The following IFNGR2 variants were observed in gnomAD, a reference collection of about 807,000 sequenced individuals.
The protein encoded by IFNGR2 is IFN-gamma receptor 2.
A neutral mutation model predicts 41.1 loss-of-function variants in IFNGR2; 15 were observed. That is an observed-to-expected ratio of 0.37 (90% CI 0.24 to 0.56). The LOEUF is 0.56. IFNGR2 is among the 20% of genes least tolerant of loss of function. IFNGR2 has a pLI of 0.81. For synonymous variants in IFNGR2, 161 were observed against 171.6 expected, an observed-to-expected ratio of 0.94 and a Z score of 0.48; for missense variants, 362 against 415.7, an observed-to-expected ratio of 0.87 and a Z score of 1.12.
chr21:33,420,707 A>G, intron 2 of IFNGR2, among the ~76,000 whole-genome samples: 1 of 152,224 alleles, frequency 6.6e-6, no homozygotes, highest in East Asian at 1.9e-4. Context: ...TATCCAGAAT[A>G]GATAACGAAC....
chr21:33,409,738 T>A (rs1314505175), intron 1 of IFNGR2, among the ~76,000 whole-genome samples: 1 of 152,206 alleles, frequency 6.6e-6, no homozygotes, highest in Admixed American at 6.5e-5. Context: ...CGCTTGAGAC[T>A]CTGCCTAGGG....
rs2083711705 is a variant in IFNGR2, at chr21:33,411,008, C to A, written c.74-3880C>A. Reference sequence around the variant, plus strand: ...CCATCGGGGGCCATGTGGCCTGGAACACAGAGGCTGGGCTGCCCAAGGACA... The same window carrying A: ...CCATCGGGGGCCATGTGGCCTGGAAAACAGAGGCTGGGCTGCCCAAGGACA... On this transcript the variant is annotated intron_variant, in intron 1 of 6. Coordinates refer to ENST00000290219, the MANE Select transcript of IFNGR2 (RefSeq NM_005534.4). 8.9e-6 allele frequency: 7 copies of A among 788,480 alleles called. No homozygotes were observed. The Admixed American group carries it at 1.5e-4, about 17-fold the overall frequency. The allele number at this position is 788,480 out of a possible 1,614,324, so 48.8% of individuals were successfully genotyped here. A position where few individuals can be genotyped will look rare whatever the true frequency, so the allele number is the denominator to read the frequency against.
intron 4 of IFNGR2, among the ~76,000 whole-genome samples, chr21:33,427,633 G>A (rs2083849816): frequency 1.3e-5 from 2 of 152,084 alleles, no homozygotes. Context: ...TCAGCCTCGG[G>A]GAGTATAGGA....
At chr21:33,411,386 A>G (rs752794711) in intron 1 of IFNGR2, 8 of 468,116 alleles carry the variant, frequency 1.7e-5, no homozygotes, top group Admixed American at 4.7e-5. Context: ...CTGGGGAACT[A>G]GAGGTGCCCG....
intron 2 of IFNGR2, among the ~76,000 whole-genome samples, chr21:33,417,503 A>T (rs984723579): frequency 2.0e-5 from 3 of 152,252 alleles, no homozygotes; most frequent in African/African-American, 4.8e-5. Context: ...TCCAGTAGTT[A>T]TAAATTACGA....
chr21:33,416,305 C>T (rs1027868767), intron 2 of IFNGR2, among the ~76,000 whole-genome samples: 4 of 152,186 alleles, frequency 2.6e-5, no homozygotes, highest in Admixed American at 6.5e-5. Flanking sequence ...TGCTAACTTA[C>T]GCTTGAACAC....
intron 1 of IFNGR2, among the ~76,000 whole-genome samples, chr21:33,408,665 T>C (rs1367451901): frequency 6.6e-6 from 1 of 152,192 alleles, no homozygotes; most frequent in Non-Finnish European, 1.5e-5. Context: ...AGACAATGAA[T>C]GTAGAGAATA....
chr21:33,437,126 CTT>C lies in IFNGR2; in HGVS notation c.*176_*177del, dbSNP rs756768721. ...CAGCAGGTCTCATGGGGGTGACAAG[CTT>C]TTTTTTTTTTTCTTAAAGAATTTTC... On this transcript the variant is annotated 3_prime_UTR_variant, in exon 7 of 7. Coordinates refer to ENST00000290219, the MANE Select transcript of IFNGR2 (RefSeq NM_005534.4). 1.5e-3 allele frequency: 716 copies of C among 484,882 alleles called. No individual in the cohort carries two copies. Among genetic ancestry groups the C allele is most frequent in the Non-Finnish European group, 1.7e-3 (456 of 273,586 alleles). 30.0% of individuals were successfully genotyped at this position (484,882 alleles called of 1,614,324 possible).
At chr21:33,436,753 C>A (rs924884165) in intron 6 of IFNGR2, 75 bp from the exon 7 acceptor site, 353 of 1,200,962 alleles carry the variant, frequency 2.9e-4, no homozygotes, top group Non-Finnish European at 3.3e-4. Context: ...AAAATAAAAA[C>A]AAAAACTAAA....
At chr21:33,427,514 T>C (rs913761304) in intron 4 of IFNGR2, among the ~76,000 whole-genome samples, 2 of 152,170 alleles carry the variant, frequency 1.3e-5, no homozygotes, top group Non-Finnish European at 2.9e-5. Context: ...TGAGAAGGCG[T>C]GGCATACGTG....
rs1601092026 is a variant in IFNGR2 at position 33,432,299 on chromosome 21, T to C, written c.684T>C (p.His228=). Residue 228 remains histidine (H), a synonymous_variant, in exon 5 of 7, where the codon CAT becomes CAC. Coordinates refer to ENST00000290219, the MANE Select transcript of IFNGR2 (RefSeq NM_005534.4). ...WNKSNIFRVG[H]LSNISCYETM... is the part of the protein sequence containing the mutation. ...AAAGTAACATCTTTAGAGTCGGGCA[T>C]TTAAGCAACATATCTTGCTACGAAA... The C allele has an allele frequency of 1.2e-6, 2 of 1,614,160 alleles. No homozygotes were observed. Among genetic ancestry groups the C allele is most frequent in the Middle Eastern group, 1.6e-4 (1 of 6,062 alleles).
Position 33,427,014 on chromosome 21 carries a change from A to G in IFNGR2, c.543A>G (p.Glu181=), listed in dbSNP as rs749509332. 5.6e-6 allele frequency: 9 copies of G among 1,611,736 alleles called. No individual in the cohort carries two copies. In the African/African-American group the frequency reaches 1.1e-4, roughly 19 times the overall value. ...AFFCYYVHYW[E]KGGIQQVKGP... is the part of the protein sequence containing the mutation. ...TTTGTTATTATGTCCATTACTGGGAAAAAGGAGGAATCCAACAGGCAAGAG... is the reference window on the plus strand; with the variant it reads ...TTTGTTATTATGTCCATTACTGGGAGAAAGGAGGAATCCAACAGGCAAGAG... Residue 181 remains glutamate (E), a synonymous_variant, in exon 4 of 7, where the codon GAA becomes GAG. Coordinates refer to ENST00000290219, the MANE Select transcript of IFNGR2 (RefSeq NM_005534.4).
chr21:33,406,330 A>G (rs1490485470), intron 1 of IFNGR2, among the ~76,000 whole-genome samples: 2 of 152,060 alleles, frequency 1.3e-5, no homozygotes, highest in African/African-American at 4.8e-5. Context: ...AGCCGAAATC[A>G]TGCAACTGCA....
Position 33,414,873 on chromosome 21 carries a change from T to G in IFNGR2, c.74-15T>G. 1 of 1,609,102 alleles carries G rather than the reference T, an allele frequency of 6.2e-7. No homozygotes were observed. Among genetic ancestry groups the G allele is most frequent in the Non-Finnish European group, 8.5e-7 (1 of 1,177,614 alleles). The stretch of plus-strand genomic sequence containing the variant: ...CCTCCCTTCCTCCCTCTTCTTTTTC[T>G]CTGTCCCCCTCAAGACCCTCTTTCC... On this transcript the variant is annotated splice_polypyrimidine_tract_variant and intron_variant, in intron 1 of 6. Coordinates refer to ENST00000290219, the MANE Select transcript of IFNGR2 (RefSeq NM_005534.4).
Position 33,432,865 on chromosome 21 carries a change from A to T in IFNGR2, c.873A>T (p.Ile291=), listed in dbSNP as rs1438943596. ...FHTPPSIPLQ[I]EEYLKDPTQP... is the part of the protein sequence containing the mutation. Reference sequence around the variant, plus strand: ...CTCCACCAAGCATCCCATTACAGATAGAAGAGGTACGTGTGCACACATCTC... The same window carrying T: ...CTCCACCAAGCATCCCATTACAGATTGAAGAGGTACGTGTGCACACATCTC... Residue 291 remains isoleucine (I), a synonymous_variant, in exon 6 of 7, where the codon ATA becomes ATT. Coordinates refer to ENST00000290219, the MANE Select transcript of IFNGR2 (RefSeq NM_005534.4). The T allele has an allele frequency of 1.2e-6, 2 of 1,611,792 alleles. No homozygotes were observed. Among genetic ancestry groups the T allele is most frequent in the South Asian group, 2.2e-5 (2 of 91,024 alleles).
intron 2 of IFNGR2, among the ~76,000 whole-genome samples, chr21:33,417,243 G>A (rs764963991): frequency 1.3e-5 from 2 of 151,826 alleles, no homozygotes; most frequent in African/African-American, 2.4e-5. Flanking sequence ...GGCGCACACT[G>A]CTGTACCCAG....
In IFNGR2 at chr21:33,436,988, G is replaced by A; in HGVS notation, c.*26G>A. On this transcript the variant is annotated 3_prime_UTR_variant, in exon 7 of 7. Transcript: ENST00000290219. ...ACCAAAGCATGGGCCTAGCCCACTG[G>A]CTCCCTGGAAGAGATCAAGCCATCG... 3.1e-6 allele frequency: 5 copies of A among 1,612,826 alleles called. No individual in the cohort carries two copies. In the South Asian group the frequency reaches 4.4e-5, roughly 14 times the overall value.
At position 33,426,920 on chromosome 21, in the gene IFNGR2, C is replaced by T; in HGVS notation, c.449C>T (p.Pro150Leu). ...CCTCCAGAAAACATTGAGGTGACCC[C>T]AGGAGAAGGCTCCCTCATCATCAGG... ...VGPPENIEVT[P>L]GEGSLIIRFS... The change falls in exon 4 of 7, where the codon CCA becomes CTA. Residue 150 changes from proline (P) to leucine (L), a missense_variant. By Grantham distance (98) the Pro-to-Leu change is moderately conservative. Coordinates refer to ENST00000290219, the MANE Select transcript of IFNGR2 (RefSeq NM_005534.4). 6.2e-7 allele frequency: 1 copy of T among 1,613,560 alleles called. No homozygotes were observed. The highest frequency in any genetic ancestry group is 8.5e-7 in the Non-Finnish European group (1 of 1,179,772).
intron 1 of IFNGR2, chr21:33,410,922 TATGAAACCTGC>T (rs757068216): frequency 1.4e-6 from 2 of 1,413,538 alleles, no homozygotes; most frequent in South Asian, 1.2e-5. Context: ...GTGTAACCTG[TATGAAACCTGC>T]ATCTCACAAC....
Sources: allele counts gnomAD v4.1 joint callset (sites outside exome capture counted in the v4.1 genomes callset), GRCh38; gene constraint gnomAD v4.1.1; transcripts MANE v1.5; gene names NCBI Gene and HGNC (gene_info 2026-07-23, HGNC 2026-07-21).